Variants in DOCK11 observed in about 807,000 individuals in gnomAD.
DOCK11 encodes the protein dedicator of cytokinesis protein 11.
Under a neutral mutation model 169.1 loss-of-function variants are expected in DOCK11, and 70 were observed. The observed-to-expected ratio is 0.41, with a 90% CI of 0.34 to 0.51. The LOEUF (loss-of-function observed/expected upper bound fraction) is 0.51. DOCK11 is among the 20% of genes least tolerant of loss of function. DOCK11 has a pLI of 0.10. For synonymous variants in DOCK11, 529 were observed against 541.3 expected (o/e 0.98, Z 0.32); for missense variants, 1,166 against 1,538.8 (o/e 0.76, Z 4.05).
chrX:118,627,579 G>A lies in DOCK11; in HGVS notation c.3664G>A (p.Ala1222Thr), dbSNP rs778482356. The A allele has an allele frequency of 5.0e-6, 6 of 1,199,414 alleles. No individual in the cohort carries two copies. The highest frequency in any genetic ancestry group is 5.9e-5 in the East Asian group (2 of 33,734). The stretch of plus-strand genomic sequence containing the variant: ...GAGTCTGAGCACTGACAAAGACACC[G>A]GTAATTAAACCTTTTGGAGATGATA... ...RGSLSTDKDT[A>T]YGSFQNGHGI... The change falls in exon 33 of 53, where the codon GCT becomes ACT. Residue 1222 changes from alanine (A) to threonine (T), a missense_variant and splice_region_variant. Transcript: ENST00000276202.
chrX:118,550,938 A>G (rs1384277721), intron 6 of DOCK11, among the ~76,000 whole-genome samples: 1 of 111,490 alleles, frequency 9.0e-6, no homozygotes, highest in Non-Finnish European at 1.9e-5. Context: ...AGCAAATGGG[A>G]AGATGACTCA....
At chrX:118,516,077 CTTTTCTTTTCT>C (rs1240032408) in intron 1 of DOCK11, among the ~76,000 whole-genome samples, 3 of 66,992 alleles carry the variant, frequency 4.5e-5, no homozygotes, top group African/African-American at 1.9e-4. Flanking sequence ...TTTCTTTTTT[CTTTTCTTTTCT>C]TTTTCTTTTT....
intron 46 of DOCK11, among the ~76,000 whole-genome samples, chrX:118,673,378 A>G (rs1487282138): frequency 9.0e-6 from 1 of 111,452 alleles, no homozygotes; most frequent in Non-Finnish European, 1.9e-5. Flanking sequence ...AGACTGAGGT[A>G]GGAGGATTGC....
intron 28 of DOCK11, among the ~76,000 whole-genome samples, chrX:118,613,603 GT>G (rs768796725): frequency 5.3e-5 from 6 of 112,679 alleles, no homozygotes; most frequent in Non-Finnish European, 9.4e-5. Context: ...CCAGATAGAA[GT>G]AGCGAAAGAA....
intron 9 of DOCK11, among the ~76,000 whole-genome samples, chrX:118,567,472 G>A (rs772297789): frequency 2.1e-5 from 2 of 96,915 alleles, no homozygotes; most frequent in Non-Finnish European, 4.0e-5. Flanking sequence ...TCACTCTATC[G>A]CCCAGGCTGG....
At chrX:118,683,325 A>G in intron 52 of DOCK11, 108 bp downstream of exon 52, 4 of 872,706 alleles carry the variant, frequency 4.6e-6, no homozygotes, top group Non-Finnish European at 3.1e-6. Flanking sequence ...TATTAAGTCT[A>G]TATTTTAAAC....
Position 118,543,493 on chromosome X carries a change from A to T in DOCK11, c.310-18A>T. ...ACTTTTCCTATATTTCAAATTCAAG[A>T]TTCCTATTTTCTTTCAGTGTATTAA... is the stretch of plus-strand genomic sequence containing the variant. On this transcript the variant is annotated intron_variant, in intron 3 of 52. Transcript: ENST00000276202. The T allele has an allele frequency of 8.7e-7, 1 of 1,153,523 alleles. No homozygotes were observed. The highest frequency in any genetic ancestry group is 1.2e-6 in the Non-Finnish European group (1 of 843,910).
chrX:118,511,815 A>G (rs2057652215), intron 1 of DOCK11, among the ~76,000 whole-genome samples: 2 of 112,175 alleles, frequency 1.8e-5, no homozygotes, highest in South Asian at 7.4e-4. Context: ...GCTGAGGGAG[A>G]AGACAGATAC....
In DOCK11 at chrX:118,662,877, C is replaced by G. The variant is rs2016251061; in HGVS notation, c.5076+85C>G. 7 of 595,074 alleles carry G rather than the reference C, an allele frequency of 1.2e-5. No individual in the cohort carries two copies. In the East Asian group the frequency reaches 2.5e-4, roughly 22 times the overall value. 49.0% of individuals were successfully genotyped at this position (595,074 alleles called of 1,213,427 possible). On this transcript the variant is annotated intron_variant, in intron 45 of 52. Transcript: ENST00000276202. Reference sequence around the variant, plus strand: ...ATATTAAACAATTATTACAGCTAACCTAATTTTGAAGGTAACTAAGGGTTA... The same window carrying G: ...ATATTAAACAATTATTACAGCTAACGTAATTTTGAAGGTAACTAAGGGTTA...
At chrX:118,646,012 C>A (rs184242151) in intron 40 of DOCK11, among the ~76,000 whole-genome samples, 1 of 99,214 alleles carries the variant, frequency 1.0e-5, no homozygotes, top group African/African-American at 3.8e-5. Flanking sequence ...GCCGAGATCG[C>A]GCCATTGCGC....
At chrX:118,661,125 C>T (rs1159854134) in intron 44 of DOCK11, among the ~76,000 whole-genome samples, 1 of 106,877 alleles carries the variant, frequency 9.4e-6, no homozygotes, top group Non-Finnish European at 1.9e-5. Flanking sequence ...AGAAGGATGG[C>T]TTGAGTCCAG....
intron 1 of DOCK11, among the ~76,000 whole-genome samples, chrX:118,536,973 A>C (rs922347794): frequency 9.0e-6 from 1 of 111,689 alleles, no homozygotes; most frequent in African/African-American, 3.3e-5. Context: ...GGAGAGCCGA[A>C]TGACTAGGGG....
At chrX:118,608,381 A>T in intron 26 of DOCK11, 25 bp downstream of exon 26, 1 of 1,181,008 alleles carries the variant, frequency 8.5e-7, no homozygotes. Flanking sequence ...CACAACAAGG[A>T]ACAAAAGCAG....
chrX:118,593,958 T>C (rs1665098264), intron 20 of DOCK11, among the ~76,000 whole-genome samples: 1 of 112,059 alleles, frequency 8.9e-6, no homozygotes, highest in African/African-American at 3.2e-5. Context: ...GAAACACATA[T>C]TGCGATACAG....
chrX:118,499,498 A>G (rs1161009797), intron 1 of DOCK11, among the ~76,000 whole-genome samples: 2 of 111,835 alleles, frequency 1.8e-5, no homozygotes, highest in Admixed American at 9.5e-5. Context: ...AATGGCTGAA[A>G]AGCGTCTGCA....
At chrX:118,596,502 CAGAA>C (rs2014171978) in intron 20 of DOCK11, among the ~76,000 whole-genome samples, 1 of 112,261 alleles carries the variant, frequency 8.9e-6, no homozygotes, top group African/African-American at 3.2e-5. Flanking sequence ...TTTAAAGAAT[CAGAA>C]AGCAGTAGCT....
At chrX:118,496,099 C>A in intron 1 of DOCK11, 26 bp downstream of exon 1, 9 of 961,521 alleles carry the variant, frequency 9.4e-6, no homozygotes, top group Non-Finnish European at 1.2e-5. Context: ...ACGGGGCATC[C>A]CGGGGGACGC....
intron 23 of DOCK11, among the ~76,000 whole-genome samples, chrX:118,602,592 G>A (rs777038392): frequency 1.8e-5 from 2 of 110,149 alleles, no homozygotes; most frequent in Non-Finnish European, 3.8e-5. Context: ...CCAGGCTGGA[G>A]TGCAATGGTA....
At chrX:118,563,859 G>A (rs2012990482) in intron 7 of DOCK11, among the ~76,000 whole-genome samples, 1 of 109,813 alleles carries the variant, frequency 9.1e-6, no homozygotes, top group African/African-American at 3.3e-5. Context: ...CCGCCACCAT[G>A]CCTGGCTAAT....
Sources: allele counts gnomAD v4.1 joint callset (sites outside exome capture counted in the v4.1 genomes callset), GRCh38; gene constraint gnomAD v4.1.1; transcripts MANE v1.5; gene names NCBI Gene and HGNC (gene_info 2026-07-23, HGNC 2026-07-21).